The following SLC44A5 variants were observed in gnomAD, a reference collection of about 807,000 sequenced individuals.
SLC44A5 encodes the protein choline transporter-like protein 5.
SLC44A5 carries 57 observed loss-of-function variants against 101.8 expected under a neutral mutation model. That is an observed-to-expected ratio of 0.56 (90% confidence interval 0.45 to 0.70). The LOEUF (loss-of-function observed/expected upper bound fraction) is 0.70, where lower values mean the gene tolerates loss of function less well. Among genes scored for constraint, SLC44A5 ranks in the 30% least tolerant of loss-of-function variants. The pLI is 0.00. For missense variants in SLC44A5, 737 were observed against 853.1 expected (o/e 0.86, Z 1.70); for synonymous variants, 281 against 290.9 (o/e 0.97, Z 0.35).
chr1:75,593,887 T>C (rs997451528), intron 1 of SLC44A5, among the ~76,000 whole-genome samples: 1 of 151,630 alleles, frequency 6.6e-6, no homozygotes, highest in East Asian at 1.9e-4. Context: ...GTACAAAAAA[T>C]AGAGGGAAGT....
chr1:75,665,322 TAAAC>T, the SLC44A5 span, among the ~76,000 whole-genome samples: 1 of 152,138 alleles, frequency 6.6e-6, no homozygotes, highest in Non-Finnish European at 1.5e-5. Flanking sequence ...CACTTGATCT[TAAAC>T]AAAGTCAACA....
the SLC44A5 span, among the ~76,000 whole-genome samples, chr1:75,699,953 T>C: frequency 6.6e-6 from 1 of 152,024 alleles, no homozygotes; most frequent in African/African-American, 2.4e-5. Flanking sequence ...CAAGAAGAGC[T>C]AACTATCCTA....
chr1:75,656,631 G>T, the SLC44A5 span, among the ~76,000 whole-genome samples: 2 of 151,878 alleles, frequency 1.3e-5, no homozygotes, highest in African/African-American at 4.8e-5. Flanking sequence ...AGATTTTTTT[G>T]TAAGCCCCAT....
intron 1 of SLC44A5, among the ~76,000 whole-genome samples, chr1:75,587,097 T>C (rs1034937743): frequency 6.6e-5 from 10 of 152,070 alleles, no homozygotes; most frequent in African/African-American, 2.4e-4. Flanking sequence ...TAAAAACATC[T>C]AGTGAATGAA....
chr1:75,348,841 T>C (rs1658435868), intron 3 of SLC44A5, among the ~76,000 whole-genome samples: 1 of 152,190 alleles, frequency 6.6e-6, no homozygotes. Flanking sequence ...AACTTGTAGA[T>C]AAATGTGAAG....
intron 17 of SLC44A5, 142 bp downstream of exon 17, chr1:75,218,348 A>C (rs1054954855): frequency 8.4e-7 from 1 of 1,187,474 alleles, no homozygotes; most frequent in Non-Finnish European, 1.2e-6. Flanking sequence ...AAACCAGACA[A>C]AACCAATGGG....
chr1:75,628,218 T>C, the SLC44A5 span, among the ~76,000 whole-genome samples: 12 of 152,124 alleles, frequency 7.9e-5, no homozygotes, highest in Non-Finnish European at 1.6e-4. Flanking sequence ...CATTGCTTTA[T>C]ATCTGATTTT....
intron 12 of SLC44A5, among the ~76,000 whole-genome samples, chr1:75,230,422 A>T (rs907272149): frequency 6.6e-6 from 1 of 150,514 alleles, no homozygotes; most frequent in Non-Finnish European, 1.5e-5. Flanking sequence ...TAATTTTTAT[A>T]TTTTTTTTAG....
chr1:75,494,165 G>GT (rs1304508425), intron 2 of SLC44A5, among the ~76,000 whole-genome samples: 1 of 152,190 alleles, frequency 6.6e-6, no homozygotes, highest in African/African-American at 2.4e-5. Context: ...TTTCTGCCAT[G>GT]TGGTGACACA....
intron 2 of SLC44A5, among the ~76,000 whole-genome samples, chr1:75,457,898 G>A (rs934356814): frequency 6.6e-6 from 1 of 151,820 alleles, no homozygotes; most frequent in African/African-American, 2.4e-5. Flanking sequence ...AACGGAGGGA[G>A]AAACAAGTGG....
At chr1:75,362,043 T>C (rs1182610976) in intron 3 of SLC44A5, among the ~76,000 whole-genome samples, 1 of 152,078 alleles carries the variant, frequency 6.6e-6, no homozygotes, top group Non-Finnish European at 1.5e-5. Context: ...CTTGGTAGAT[T>C]GTATGTGTCT....
chr1:75,482,181 A>G (rs1667903617), intron 2 of SLC44A5, among the ~76,000 whole-genome samples: 1 of 151,858 alleles, frequency 6.6e-6, no homozygotes, highest in Admixed American at 6.6e-5. Flanking sequence ...TAAAAAACCA[A>G]ACACCACATG....
In SLC44A5 at chr1:75,402,211, G is replaced by A. The variant is rs140149877; in HGVS notation, c.14-5590C>T. 9.8e-5 allele frequency among the ~76,000 whole-genome samples: 15 copies of A among 152,286 alleles called. No individual in the cohort carries two copies. In the East Asian group the frequency reaches 2.9e-3, roughly 29 times the overall value. ...TTTTGGACAAATGAGATAATGTTCT[G>A]TTTTCTGTATAGTCACAGGGGAGTC... On this transcript the variant is annotated intron_variant, in intron 2 of 23. Transcript: ENST00000370859.
intron 6 of SLC44A5, among the ~76,000 whole-genome samples, chr1:75,268,603 A>G (rs1284424657): frequency 1.3e-5 from 2 of 152,166 alleles, no homozygotes; most frequent in African/African-American, 4.8e-5. Flanking sequence ...TAATCCCATA[A>G]TTGAAAATAA....
chr1:75,326,063 A>C (rs1656567494), intron 4 of SLC44A5, among the ~76,000 whole-genome samples: 1 of 148,868 alleles, frequency 6.7e-6, no homozygotes, highest in African/African-American at 2.5e-5. Flanking sequence ...TTTTTATTTT[A>C]AATTTTCAGA....
intron 4 of SLC44A5, among the ~76,000 whole-genome samples, chr1:75,302,997 G>A (rs1654615955): frequency 2.0e-5 from 3 of 152,078 alleles, no homozygotes; most frequent in Admixed American, 2.0e-4. Flanking sequence ...CATCACGGAT[G>A]GCCACAGATG....
intron 22 of SLC44A5, among the ~76,000 whole-genome samples, chr1:75,212,429 T>G (rs1646876685): frequency 6.6e-6 from 1 of 152,136 alleles, no homozygotes; most frequent in South Asian, 2.1e-4. Context: ...AACTTATAAG[T>G]GAGAACATGC....
At chr1:75,536,735 G>A (rs184144152) in intron 2 of SLC44A5, among the ~76,000 whole-genome samples, 167 of 148,562 alleles carry the variant, frequency 1.1e-3, no homozygotes, top group East Asian at 5.9e-3. Flanking sequence ...GGCCGGGCGC[G>A]GTGGCTCACG....
chr1:75,551,904 A>T (rs918249332), intron 1 of SLC44A5, among the ~76,000 whole-genome samples: 4 of 152,026 alleles, frequency 2.6e-5, no homozygotes, highest in African/African-American at 7.2e-5. Flanking sequence ...AAGTCTGAAA[A>T]ATTTCAGATG....
Sources: gnomAD v4.1 joint callset for allele counts (sites outside exome capture counted in the v4.1 genomes callset) on GRCh38, gnomAD v4.1.1 for gene constraint, MANE v1.5 for transcripts, NCBI Gene and HGNC (gene_info 2026-07-23, HGNC 2026-07-21) for gene names.